MARCHF3: variants seen among roughly 807,000 people sequenced by gnomAD.
MARCHF3 encodes E3 ubiquitin-protein ligase MARCHF3.
A neutral mutation model predicts 24.2 loss-of-function variants in MARCHF3; 13 were observed. That is an observed-to-expected ratio of 0.54 (90% CI 0.35 to 0.85). MARCHF3 has a LOEUF of 0.85. Ranked by LOEUF, MARCHF3 falls within the 40% of genes least tolerant of loss-of-function variation. The pLI is 0.01. For synonymous variants in MARCHF3, 144 were observed against 137.3 expected (o/e 1.05, Z -0.34); for missense variants, 276 against 325.0 (o/e 0.85, Z 1.16).
At chr5:126,985,501 ACT>A (rs554242186) in intron 1 of MARCHF3, among the ~76,000 whole-genome samples, 3 of 142,840 alleles carry the variant, frequency 2.1e-5, no homozygotes, top group South Asian at 4.4e-4. Context: ...ACGGAGTCTC[ACT>A]CTGTCGCCCA....
intron 4 of MARCHF3, among the ~76,000 whole-genome samples, chr5:126,872,746 C>T (rs1263117146): frequency 6.6e-6 from 1 of 152,166 alleles, no homozygotes; most frequent in Non-Finnish European, 1.5e-5. Flanking sequence ...AAGCAGATGC[C>T]ACGGGCCGAG....
At chr5:126,878,650 C>T (rs1437991200) in intron 3 of MARCHF3, among the ~76,000 whole-genome samples, 2 of 152,110 alleles carry the variant, frequency 1.3e-5, no homozygotes, top group South Asian at 2.1e-4. Context: ...TGAAAATAGT[C>T]GTTACTATTC....
chr5:126,914,002 G>A (rs1470728413), intron 3 of MARCHF3, among the ~76,000 whole-genome samples: 1 of 17,702 alleles, frequency 5.6e-5, no homozygotes, highest in African/African-American at 2.2e-4. Flanking sequence ...TTTTTTTTTT[G>A]AGACGGAGTC....
chr5:127,015,874 T>A (rs1045016300), intron 1 of MARCHF3, among the ~76,000 whole-genome samples: 1 of 152,156 alleles, frequency 6.6e-6, no homozygotes, highest in Non-Finnish European at 1.5e-5. Flanking sequence ...TGAAATCTCA[T>A]GCTGTCCCAC....
At chr5:126,873,723 C>A (rs1370257851) in intron 4 of MARCHF3, among the ~76,000 whole-genome samples, 3 of 152,240 alleles carry the variant, frequency 2.0e-5, no homozygotes, top group Non-Finnish European at 4.4e-5. Context: ...CAGATGAGAT[C>A]TTATTATACA....
At chr5:126,939,564 T>G (rs887421178) in intron 1 of MARCHF3, among the ~76,000 whole-genome samples, 7 of 152,234 alleles carry the variant, frequency 4.6e-5, no homozygotes, top group African/African-American at 1.7e-4. Context: ...ACCAGAACTT[T>G]GTAAATGTTT....
intron 3 of MARCHF3, among the ~76,000 whole-genome samples, chr5:126,890,709 C>A (rs993248244): frequency 1.3e-5 from 2 of 151,188 alleles, no homozygotes; most frequent in African/African-American, 4.9e-5. Flanking sequence ...TGGGTGGGTT[C>A]CAAGTCTTTG....
chr5:127,003,437 C>T (rs1752203927), intron 1 of MARCHF3, among the ~76,000 whole-genome samples: 1 of 120,548 alleles, frequency 8.3e-6, no homozygotes, highest in African/African-American at 3.2e-5. Flanking sequence ...CACTGCACTC[C>T]AGCCTGGGCG....
intron 3 of MARCHF3, among the ~76,000 whole-genome samples, chr5:126,909,012 T>G (rs1391603128): frequency 6.6e-6 from 1 of 152,192 alleles, no homozygotes; most frequent in Admixed American, 6.5e-5. Context: ...GTGGATGTCC[T>G]TTCTGTTTGT....
rs1012117319 is a variant in MARCHF3 at position 126,970,559 on chromosome 5, A to AT, written c.-56-52333_-56-52332insA. ...TTAGGAATGCTATTCAGGAACATCTAATGTGTTTGTGATAATGTATTTGAC... is the reference window on the plus strand; with the variant it reads ...TTAGGAATGCTATTCAGGAACATCTATATGTGTTTGTGATAATGTATTTGAC... On this transcript the variant is annotated intron_variant, in intron 1 of 4. Transcript: ENST00000308660. Among the ~76,000 whole-genome samples the AT allele has an allele frequency of 1.2e-4, 18 of 151,696 alleles. No homozygotes were observed. The South Asian group carries it at 3.7e-3, about 31-fold the overall frequency.
intron 1 of MARCHF3, among the ~76,000 whole-genome samples, chr5:126,972,649 C>T (rs1751057671): frequency 6.6e-6 from 1 of 152,130 alleles, no homozygotes; most frequent in Non-Finnish European, 1.5e-5. Context: ...TACCTCCATC[C>T]ACTTCCACCC....
chr5:126,909,415 C>T (rs1222649444), intron 3 of MARCHF3, among the ~76,000 whole-genome samples: 1 of 152,386 alleles, frequency 6.6e-6, no homozygotes, highest in African/African-American at 2.4e-5. Context: ...GCCCCTCCCC[C>T]AGCCTCGCTG....
intron 1 of MARCHF3, among the ~76,000 whole-genome samples, chr5:126,943,764 T>C (rs543571011): frequency 5.3e-5 from 8 of 151,930 alleles, no homozygotes; most frequent in South Asian, 2.1e-4. Flanking sequence ...CAAAGCAAAA[T>C]GGCAGAACCA....
At chr5:126,894,868 T>C (rs1235225928) in intron 3 of MARCHF3, among the ~76,000 whole-genome samples, 2 of 151,692 alleles carry the variant, frequency 1.3e-5, no homozygotes, top group Non-Finnish European at 3.0e-5. Context: ...CCTTGCTAGA[T>C]TGGGGAAGTT....
At chr5:127,002,705 C>T (rs1752167747) in intron 1 of MARCHF3, among the ~76,000 whole-genome samples, 1 of 152,214 alleles carries the variant, frequency 6.6e-6, no homozygotes, top group African/African-American at 2.4e-5. Context: ...ACAACTTTGT[C>T]CTCTGGTGAA....
intron 1 of MARCHF3, among the ~76,000 whole-genome samples, chr5:127,024,555 A>G (rs1463691614): frequency 1.3e-5 from 2 of 152,252 alleles, no homozygotes; most frequent in East Asian, 1.9e-4. Flanking sequence ...GGCTAAGTAG[A>G]GAAGTACTAC....
At chr5:127,018,754 T>C (rs983686393) in intron 1 of MARCHF3, among the ~76,000 whole-genome samples, 1 of 152,172 alleles carries the variant, frequency 6.6e-6, no homozygotes, top group African/African-American at 2.4e-5. Context: ...CTGTAAGCCA[T>C]GGTAGTCTTG....
rs755038219 is a variant in MARCHF3 at position 126,878,222 on chromosome 5, G to A, written c.566C>T (p.Thr189Ile). The A allele has an allele frequency of 1.2e-6, 2 of 1,614,258 alleles. No homozygotes were observed. The highest frequency in any genetic ancestry group is 8.5e-7 in the Non-Finnish European group (1 of 1,180,054). The change falls in exon 4 of 5, where the codon ACT becomes ATT. Residue 189 changes from threonine to isoleucine, a missense_variant. Physicochemically the swap from Thr to Ile is moderately conservative, Grantham distance 89. Coordinates refer to ENST00000308660, the MANE Select transcript of MARCHF3 (RefSeq NM_178450.5). Reference sequence around the variant, plus strand: ...GAGGTAAATAGTGAAGAGTGCGACAGTGAGTGCAATCAGTCCGACGGCTTC... The same window carrying A: ...GAGGTAAATAGTGAAGAGTGCGACAATGAGTGCAATCAGTCCGACGGCTTC... ...RLEAVGLIALTVALFTIYLFW... is the reference protein window; with the variant it reads ...RLEAVGLIALIVALFTIYLFW...
At chr5:127,023,769 TA>T (rs1752898357) in intron 1 of MARCHF3, among the ~76,000 whole-genome samples, 1 of 145,708 alleles carries the variant, frequency 6.9e-6, no homozygotes, top group Non-Finnish European at 1.5e-5. Context: ...AATAAATAAA[TA>T]AATAAATAAA....
Sources: gnomAD v4.1 joint callset for allele counts (sites outside exome capture counted in the v4.1 genomes callset) on GRCh38, gnomAD v4.1.1 for gene constraint, MANE v1.5 for transcripts, NCBI Gene and HGNC (gene_info 2026-07-23, HGNC 2026-07-21) for gene names.